Variants in ANKRD6 observed in about 807,000 individuals in gnomAD.
The protein encoded by ANKRD6 is ankyrin repeat domain-containing protein 6.
In ANKRD6, 56 loss-of-function variants were observed where a neutral mutation model predicts 82.3. The observed-to-expected ratio is 0.68, with a 90% CI of 0.55 to 0.85. The LOEUF (loss-of-function observed/expected upper bound fraction) is 0.85, where lower values mean the gene tolerates loss of function less well. ANKRD6 is among the 40% of genes least tolerant of loss of function. The pLI, the probability that ANKRD6 is intolerant of heterozygous loss-of-function variation, is 0.00. For synonymous variants in ANKRD6, 347 were observed against 352.1 expected, an observed-to-expected ratio of 0.99 and a Z score of 0.16; for missense variants, 852 against 907.6, an observed-to-expected ratio of 0.94 and a Z score of 0.79.
At chr6:89,529,654 A>G (rs1042495613) in intron 1 of ANKRD6, among the ~76,000 whole-genome samples, 16 of 152,204 alleles carry the variant, frequency 1.1e-4, no homozygotes, top group Admixed American at 5.2e-4. Flanking sequence ...ACATGCCTTC[A>G]TTAAGTATAA....
chr6:89,435,661 G>C (rs1369276264), intron 1 of ANKRD6, among the ~76,000 whole-genome samples: 1 of 152,140 alleles, frequency 6.6e-6, no homozygotes, highest in Non-Finnish European at 1.5e-5. Flanking sequence ...GTCTGTGTAG[G>C]GGAGACCCAG....
chr6:89,611,666 T>A (rs1800287820), intron 5 of ANKRD6, among the ~76,000 whole-genome samples: 1 of 152,268 alleles, frequency 6.6e-6, no homozygotes, highest in Non-Finnish European at 1.5e-5. Flanking sequence ...GCAACTGTAC[T>A]GCCTGAAAGG....
In ANKRD6 at chr6:89,567,165, A is replaced by G. The variant is rs1485739859; in HGVS notation, c.120+69A>G. On this transcript the variant is annotated intron_variant, in intron 2 of 15. Transcript: ENST00000339746. ...CCTACCTCTTAACCATTGTCTGAAA[A>G]ACTGCTGTGTTTGGTTCACAGCTTT... 3 of 1,534,498 alleles carry G rather than the reference A, an allele frequency of 2.0e-6. No individual in the cohort carries two copies. The African/African-American group carries it at 4.1e-5, about 21-fold the overall frequency.
chr6:89,582,081 T>C (rs1275507467), intron 2 of ANKRD6, among the ~76,000 whole-genome samples: 2 of 152,212 alleles, frequency 1.3e-5, no homozygotes, highest in African/African-American at 4.8e-5. Flanking sequence ...TAACATATGG[T>C]GCTAATTCTG....
chr6:89,488,870 A>ATTCTATTCTATTCTG (rs2127832925), intron 1 of ANKRD6, among the ~76,000 whole-genome samples: 1 of 79,484 alleles, frequency 1.3e-5, no homozygotes, highest in East Asian at 3.6e-4. Flanking sequence ...ATATCGATCT[A>ATTCTATTCTATTCTG]TTCTATTCTA....
chr6:89,593,133 C>A (rs1225753686), intron 2 of ANKRD6, among the ~76,000 whole-genome samples: 2 of 152,210 alleles, frequency 1.3e-5, no homozygotes, highest in African/African-American at 4.8e-5. Context: ...CAGGCAGCTT[C>A]TCTCCTTGCT....
At chr6:89,436,285 C>A (rs1253393729) in intron 1 of ANKRD6, among the ~76,000 whole-genome samples, 2 of 152,218 alleles carry the variant, frequency 1.3e-5, no homozygotes, top group Middle Eastern at 6.8e-3. Flanking sequence ...TTAATATTTC[C>A]GCAGCATTTG....
intron 2 of ANKRD6, among the ~76,000 whole-genome samples, chr6:89,576,701 G>A (rs535846807): frequency 1.1e-4 from 16 of 152,160 alleles, no homozygotes; most frequent in East Asian, 1.9e-4. Flanking sequence ...TGAAGCTCCC[G>A]TTGGGTCTGT....
intron 1 of ANKRD6, among the ~76,000 whole-genome samples, chr6:89,478,920 A>G (rs553534800): frequency 3.9e-5 from 6 of 152,318 alleles, no homozygotes; most frequent in Admixed American, 1.3e-4. Context: ...AGCCCTCGGA[A>G]GTAGCCTACC....
intron 1 of ANKRD6, among the ~76,000 whole-genome samples, chr6:89,512,348 A>T (rs377313386): frequency 3.3e-5 from 5 of 152,230 alleles, no homozygotes; most frequent in Non-Finnish European, 5.9e-5. Context: ...TGAACAAAGG[A>T]AAGTTTGCAG....
intron 1 of ANKRD6, among the ~76,000 whole-genome samples, chr6:89,541,438 G>C (rs1340460961): frequency 1.5e-5 from 2 of 131,408 alleles, no homozygotes; most frequent in African/African-American, 5.7e-5. Context: ...TGTCACCCAG[G>C]CTGGAGTGCA....
chr6:89,632,035 T>C lies in ANKRD6; in HGVS notation c.*1031T>C, dbSNP rs951914270. 1 of 152,234 alleles carries C rather than the reference T, an allele frequency of 6.6e-6. No individual in the cohort carries two copies. The highest frequency in any genetic ancestry group is 2.4e-5 in the African/African-American group (1 of 41,472). 9.4% of individuals were successfully genotyped at this position (152,234 alleles called of 1,614,324 possible). A position where few individuals can be genotyped will look rare whatever the true frequency, so the allele number is the denominator to read the frequency against. On this transcript the variant is annotated 3_prime_UTR_variant, in exon 16 of 16. Transcript: ENST00000339746. ...CTTTACTTTGTTCCATAATGAAATA[T>C]AAACACAGAACAAAGTTGTAAAAGT...
intron 1 of ANKRD6, among the ~76,000 whole-genome samples, chr6:89,466,328 A>C (rs370563752): frequency 6.6e-6 from 1 of 152,208 alleles, no homozygotes; most frequent in Admixed American, 6.5e-5. Flanking sequence ...ACTTGAGGTT[A>C]CTTTCCTTGA....
rs1242387873 is a variant in ANKRD6, at chr6:89,559,263, C to T, written c.-143-7571C>T. Among the ~76,000 whole-genome samples, 8 of 152,218 alleles carry T rather than the reference C, an allele frequency of 5.3e-5. No homozygotes were observed. In the East Asian group the frequency reaches 1.5e-3, roughly 29 times the overall value. ...CTTTCTTTGCTACTCATGACACATA[C>T]TTTCAGACCACTCTGCCTTTTTGCT... On this transcript the variant is annotated intron_variant, in intron 1 of 15. Transcript: ENST00000339746.
chr6:89,450,881 A>G (rs777028889), intron 1 of ANKRD6, among the ~76,000 whole-genome samples: 19 of 152,356 alleles, frequency 1.2e-4, no homozygotes, highest in Middle Eastern at 6.8e-3. Context: ...ACTACGATAT[A>G]GTGTAAACAT....
At chr6:89,561,418 G>C (rs1458874508) in intron 1 of ANKRD6, 2 of 152,216 alleles carry the variant, frequency 1.3e-5, no homozygotes, top group Admixed American at 1.3e-4. Context: ...AATAGTCCTG[G>C]TGGGCACCAG....
intron 2 of ANKRD6, among the ~76,000 whole-genome samples, chr6:89,576,895 G>T (rs1291126375): frequency 6.6e-6 from 1 of 152,078 alleles, no homozygotes; most frequent in African/African-American, 2.4e-5. Context: ...CCTGTCTCCT[G>T]ATCCCCAAGG....
chr6:89,567,987 C>A (rs967000096), intron 2 of ANKRD6, among the ~76,000 whole-genome samples: 7 of 152,194 alleles, frequency 4.6e-5, no homozygotes, highest in Non-Finnish European at 1.0e-4. Context: ...TGTGGCAGAT[C>A]GGTCAGCTCC....
intron 1 of ANKRD6, 66 bp from the exon 2 acceptor site, chr6:89,566,765 AGAG>A: frequency 1.8e-6 from 1 of 544,928 alleles, no homozygotes; most frequent in East Asian, 3.4e-5. Context: ...TTAAAATCAC[AGAG>A]AAGAGGTGTG....
Sources: allele counts gnomAD v4.1 joint callset (sites outside exome capture counted in the v4.1 genomes callset), GRCh38; gene constraint gnomAD v4.1.1; transcripts MANE v1.5; gene names NCBI Gene and HGNC (gene_info 2026-07-23, HGNC 2026-07-21).